Variants in C17orf113 observed in about 807,000 individuals in gnomAD.
The protein encoded by C17orf113 is chromosome 17 open reading frame 113.
C17orf113 carries 5 observed loss-of-function variants against 11.6 expected under a neutral mutation model. The ratio of observed to expected loss-of-function variants is 0.43; its 90% CI spans 0.23 to 0.91. C17orf113 has a LOEUF of 0.91. Ranked by LOEUF, C17orf113 falls within the 40% of genes least tolerant of loss-of-function variation. The pLI, the probability that C17orf113 is intolerant of heterozygous loss-of-function variation, is 0.26. For missense variants in C17orf113, 714 were observed against 841.3 expected, an observed-to-expected ratio of 0.85 and a Z score of 1.87; for synonymous variants, 327 against 390.6, an observed-to-expected ratio of 0.84 and a Z score of 1.92.
At chr17:42,045,679 G>C (rs1310160586) in intron 1 of C17orf113, among the ~76,000 whole-genome samples, 2 of 152,134 alleles carry the variant, frequency 1.3e-5, no homozygotes, top group African/African-American at 4.8e-5. Flanking sequence ...GCCCAGTTCA[G>C]GCCCTCACGG....
At position 42,039,856 on chromosome 17, in the gene C17orf113, C is replaced by G. The variant is rs1555655902; in HGVS notation, c.1877G>C (p.Trp626Ser). ...GCCTTCCCCGGCCCCACTCTGCCCC[C>G]ACCACCGCAGCTCCCGGCTGCGGCC... ...KVGRSRELRW[W>S]GQSGAGEGRG... Residue 626 changes from tryptophan to serine, a missense_variant, in exon 3 of 3, where the codon TGG (tryptophan) becomes TCG (serine). Physicochemically the swap from Trp to Ser is radical, Grantham distance 177. Transcript: ENST00000587304. 8.1e-7 allele frequency: 1 copy of G among 1,231,642 alleles called. No individual in the cohort carries two copies. Among genetic ancestry groups the G allele is most frequent in the Non-Finnish European group, 1.0e-6 (1 of 987,910 alleles). The allele number at this position is 1,231,642 out of a possible 1,614,324, so 76.3% of individuals were successfully genotyped here. A position where few individuals can be genotyped will look rare whatever the true frequency, so the allele number is the denominator to read the frequency against.
rs1029049782 is a variant in C17orf113 at position 42,043,362 on chromosome 17, C to T, written c.15G>A (p.Gly5=). The T allele has an allele frequency of 4.9e-6, 6 of 1,232,246 alleles. No individual in the cohort carries two copies. The East Asian group carries it at 1.9e-4, about 39-fold the overall frequency. The allele number at this position is 1,232,246 out of a possible 1,614,324, so 76.3% of individuals were successfully genotyped here. A position where few individuals can be genotyped will look rare whatever the true frequency, so the allele number is the denominator to read the frequency against. Residue 5 remains glycine (G), a synonymous_variant, in exon 2 of 3, where the codon GGG becomes GGA. Transcript: ENST00000587304. MVPP[G]KKPAGEASNS... ...TGGAGGCCTCTCCCGCTGGTTTCTT[C>T]CCTGGGGGCACCATTCTTGCTCTCT...
chr17:42,049,368 C>T (rs1555656903), intron 1 of C17orf113, among the ~76,000 whole-genome samples: 1 of 152,042 alleles, frequency 6.6e-6, no homozygotes, highest in Non-Finnish European at 1.5e-5. Context: ...TCTCTCCACC[C>T]CCCTTCTCAT....
chr17:42,043,673 T>A (rs185124156), intron 1 of C17orf113, 110 bp from the exon 2 acceptor site: 1 of 266,202 alleles, frequency 3.8e-6, no homozygotes, highest in Non-Finnish European at 7.0e-6. Flanking sequence ...AGCTGAGGGG[T>A]GGAGGGACTC....
In C17orf113 at chr17:42,040,225, T is replaced by C; in HGVS notation, c.1508A>G (p.Gln503Arg). Residue 503 changes from glutamine to arginine, a missense_variant, in exon 3 of 3, where the codon CAG becomes CGG. Gln to Arg is a conservative substitution (Grantham distance 43). This residue lies in a region of C17orf113 where 516 missense variants were observed against 626.6 expected (regional missense o/e 0.82). Coordinates refer to ENST00000587304, the MANE Select transcript of C17orf113 (RefSeq NM_001358661.2). The stretch of plus-strand genomic sequence containing the variant: ...CAGCGAAGGCCCGGGGTAGGAGTCC[T>C]GTAGGCCCTTCCGCATGGAGTCCAG... Reference protein sequence around the residue: ...SFLDSMRKGLQDSYPGPSLDA... With the variant: ...SFLDSMRKGLRDSYPGPSLDA... 8.1e-7 allele frequency: 1 copy of C among 1,231,570 alleles called. No individual in the cohort carries two copies. Among genetic ancestry groups the C allele is most frequent in the Non-Finnish European group, 1.0e-6 (1 of 987,832 alleles). 76.3% of individuals were successfully genotyped at this position (1,231,570 alleles called of 1,614,324 possible). A position where few individuals can be genotyped will look rare whatever the true frequency, so the allele number is the denominator to read the frequency against.
rs569910487 is a variant in C17orf113, at chr17:42,040,432, G to A, written c.1301C>T (p.Ala434Val). ...DLALLQPLVM[A>V]AAASLQAQRG... The stretch of plus-strand genomic sequence containing the variant: ...CTGAGCTTGGAGGGAGGCCGCAGCC[G>A]CCATCACCAGAGGCTGCAGCAAGGC... The change falls in exon 3 of 3, where the codon GCG becomes GTG. Residue 434 changes from alanine to valine, a missense_variant. Ala to Val is a moderately conservative substitution (Grantham distance 64, BLOSUM62 0). Around this residue, in one of 3 missense-constraint regions of C17orf113, gnomAD observed 516 missense variants for 626.6 expected, o/e 0.82. Coordinates refer to ENST00000587304, the MANE Select transcript of C17orf113 (RefSeq NM_001358661.2). 7 of 1,231,984 alleles carry A rather than the reference G, an allele frequency of 5.7e-6. No individual in the cohort carries two copies. Among genetic ancestry groups the A allele is most frequent in the South Asian group, 4.1e-5 (1 of 24,326 alleles). The allele number at this position is 1,231,984 out of a possible 1,614,324, so 76.3% of individuals were successfully genotyped here.
At position 42,040,841 on chromosome 17, in the gene C17orf113, G is replaced by T; in HGVS notation, c.892C>A (p.Leu298Ile). The change falls in exon 3 of 3, where the codon CTC becomes ATC. Residue 298 changes from leucine to isoleucine, a missense_variant. Leu to Ile is a conservative substitution (Grantham distance 5). This residue lies in a region of C17orf113 where 516 missense variants were observed against 626.6 expected (regional missense o/e 0.82). Transcript: ENST00000587304. ...TCPLLAELHC[L>I]PGRTDPEPPA... ...GGCTCAGGATCTGTCCGGCCAGGGA[G>T]ACAATGCAGCTCTGCCAGCAGTGGG... The T allele has an allele frequency of 1.6e-6, 2 of 1,232,370 alleles. No homozygotes were observed. The highest frequency in any genetic ancestry group is 4.2e-5 in the Admixed American group (1 of 23,728). 76.3% of individuals were successfully genotyped at this position (1,232,370 alleles called of 1,614,324 possible).
At chr17:42,047,410 G>T (rs2053188006) in intron 1 of C17orf113, among the ~76,000 whole-genome samples, 1 of 151,820 alleles carries the variant, frequency 6.6e-6, no homozygotes, top group Admixed American at 6.6e-5. Context: ...CCCGACCTCA[G>T]ATGATCCGCC....
Position 42,043,182 on chromosome 17 carries a change from A to T in C17orf113, c.195T>A (p.Thr65=), listed in dbSNP as rs2053067803. Residue 65 remains threonine (T), a synonymous_variant, in exon 2 of 3, where the codon ACT becomes ACA. Transcript: ENST00000587304. ...NKHGKAENAF[T]VGTDNFQRHA... ...GGCGCTGGAAGTTGTCTGTGCCCAC[A>T]GTGAAGGCGTTTTCGGCTTTGCCAT... 8.1e-7 allele frequency: 1 copy of T among 1,232,198 alleles called. No homozygotes were observed. Among genetic ancestry groups the T allele is most frequent in the East Asian group, 3.2e-5 (1 of 31,702 alleles). 76.3% of individuals were successfully genotyped at this position (1,232,198 alleles called of 1,614,324 possible).
rs1475049721 is a variant in C17orf113 at position 42,040,357 on chromosome 17, G to C, written c.1376C>G (p.Ser459Cys). The C allele has an allele frequency of 1.6e-6, 2 of 1,231,886 alleles. No individual in the cohort carries two copies. Among genetic ancestry groups the C allele is most frequent in the Non-Finnish European group, 2.0e-6 (2 of 987,922 alleles). 76.3% of individuals were successfully genotyped at this position (1,231,886 alleles called of 1,614,324 possible). Reference sequence around the variant, plus strand: ...TCCGCTGCTGGCGTCAGGGTCCATGGATGCCAGTTCCTGCAGGAAGCCCTG... The same window carrying C: ...TCCGCTGCTGGCGTCAGGGTCCATGCATGCCAGTTCCTGCAGGAAGCCCTG... Reference protein sequence around the residue: ...RLQGFLQELASMDPDASSGRC... With the variant: ...RLQGFLQELACMDPDASSGRC... Residue 459 changes from serine to cysteine, a missense_variant, in exon 3 of 3, where the codon TCC becomes TGC. This residue lies in a region of C17orf113 where 516 missense variants were observed against 626.6 expected (regional missense o/e 0.82). Transcript: ENST00000587304.
chr17:42,044,076 G>C (rs2053089689), intron 1 of C17orf113, among the ~76,000 whole-genome samples: 1 of 150,636 alleles, frequency 6.6e-6, no homozygotes, highest in Admixed American at 6.6e-5. Context: ...AGCACTTTGG[G>C]AGGTGGCTCA....
chr17:42,041,263 G>A (rs908339154), intron 2 of C17orf113, 74 bp from the exon 3 acceptor site: 28 of 1,201,332 alleles, frequency 2.3e-5, no homozygotes, highest in Admixed American at 4.2e-5. Flanking sequence ...CAGGCAGTGC[G>A]GGGTGGTGGA....
At position 42,040,000 on chromosome 17, in the gene C17orf113, G is replaced by A. The variant is rs1162543909; in HGVS notation, c.1733C>T (p.Ala578Val). 4.1e-6 allele frequency: 5 copies of A among 1,230,934 alleles called. No individual in the cohort carries two copies. Among genetic ancestry groups the A allele is most frequent in the South Asian group, 4.1e-5 (1 of 24,320 alleles). The allele number at this position is 1,230,934 out of a possible 1,614,324, so 76.3% of individuals were successfully genotyped here. The change falls in exon 3 of 3, where the codon GCC becomes GTC. Residue 578 changes from alanine to valine, a missense_variant. Physicochemically the swap from Ala to Val is moderately conservative, Grantham distance 64. This residue lies in a region of C17orf113 where 194 missense variants were observed against 197.2 expected (regional missense o/e 0.98). Transcript: ENST00000587304. ...CGCGCACGCCAGCTGGGTGCACAGG[G>A]CCCGCGGGCCGAGCCGCCCAAGGCC... ...VFGLGRLGPR[A>V]LCTQLACAHS...
In C17orf113 at chr17:42,040,262, G is replaced by A. The variant is rs1373879723; in HGVS notation, c.1471C>T (p.Arg491Trp). The change falls in exon 3 of 3, where the codon CGG becomes TGG. Residue 491 changes from arginine to tryptophan, a missense_variant. This residue lies in a region of C17orf113 where 516 missense variants were observed against 626.6 expected (regional missense o/e 0.82). Coordinates refer to ENST00000587304, the MANE Select transcript of C17orf113 (RefSeq NM_001358661.2). ...EAAVRGLEWLRGSFLDSMRKG... is the reference protein window; with the variant it reads ...EAAVRGLEWLWGSFLDSMRKG... ...CGCATGGAGTCCAGGAAGGATCCCC[G>A]GAGCCACTCCAAGCCCCGGACCGCA... The A allele has an allele frequency of 2.9e-5, 36 of 1,231,502 alleles. No homozygotes were observed. The highest frequency in any genetic ancestry group is 4.7e-5 in the African/African-American group (3 of 64,416). 76.3% of individuals were successfully genotyped at this position (1,231,502 alleles called of 1,614,324 possible).
In C17orf113 at chr17:42,040,002, C is replaced by A; in HGVS notation, c.1731G>T (p.Arg577=). ...VVFGLGRLGP[R]ALCTQLACAH... The stretch of plus-strand genomic sequence containing the variant: ...CGCACGCCAGCTGGGTGCACAGGGC[C>A]CGCGGGCCGAGCCGCCCAAGGCCGA... Residue 577 remains arginine (R), a synonymous_variant, in exon 3 of 3, where the codon CGG becomes CGT. Coordinates refer to ENST00000587304, the MANE Select transcript of C17orf113 (RefSeq NM_001358661.2). 1 of 1,231,056 alleles carries A rather than the reference C, an allele frequency of 8.1e-7. No homozygotes were observed. The highest frequency in any genetic ancestry group is 1.0e-6 in the Non-Finnish European group (1 of 987,460). The allele number at this position is 1,231,056 out of a possible 1,614,324, so 76.3% of individuals were successfully genotyped here. A position where few individuals can be genotyped will look rare whatever the true frequency, so the allele number is the denominator to read the frequency against.
chr17:42,047,014 C>T (rs1473924871), intron 1 of C17orf113, among the ~76,000 whole-genome samples: 2 of 148,156 alleles, frequency 1.3e-5, no homozygotes, highest in African/African-American at 2.5e-5. Flanking sequence ...AGGCACATGC[C>T]GCCATGCCCG....
Position 42,043,449 on chromosome 17 carries a change from G to C in C17orf113, c.-73C>G, listed in dbSNP as rs1460903323. 2.5e-6 allele frequency: 3 copies of C among 1,196,498 alleles called. No homozygotes were observed. The highest frequency in any genetic ancestry group is 3.1e-6 in the Non-Finnish European group (3 of 956,308). The allele number at this position is 1,196,498 out of a possible 1,614,324, so 74.1% of individuals were successfully genotyped here. On this transcript the variant is annotated 5_prime_UTR_variant, in exon 2 of 3. Transcript: ENST00000587304. ...GCCCCCCTGCCTCCCCCACACACAG[G>C]CACCTCCCTTGACAAGGAGAGTTGA... is the stretch of plus-strand genomic sequence containing the variant.
At chr17:42,042,064 A>G (rs1555656176) in intron 2 of C17orf113, among the ~76,000 whole-genome samples, 1 of 152,218 alleles carries the variant, frequency 6.6e-6, no homozygotes, top group African/African-American at 2.4e-5. Context: ...AAACAGGCTC[A>G]GCACAGAAAA....
intron 1 of C17orf113, among the ~76,000 whole-genome samples, chr17:42,047,275 G>A (rs983176538): frequency 5.9e-5 from 9 of 151,934 alleles, no homozygotes; most frequent in South Asian, 2.1e-4. Context: ...CTCGTGATCC[G>A]CCCGCTTCAG....
Sources: allele counts gnomAD v4.1 joint callset (sites outside exome capture counted in the v4.1 genomes callset), GRCh38; gene constraint gnomAD v4.1.1; regional missense constraint gnomAD v4.1.1; transcripts MANE v1.5; gene names NCBI Gene and HGNC (gene_info 2026-07-23, HGNC 2026-07-21).